The following ADAMTS17 variants were observed in gnomAD, a reference collection of about 807,000 sequenced individuals.
The protein encoded by ADAMTS17 is ADAM metallopeptidase with thrombospondin type 1 motif 17.
Under a neutral mutation model 141.5 loss-of-function variants are expected in ADAMTS17, and 113 were observed. The observed-to-expected ratio is 0.80, with a 90% CI of 0.69 to 0.93. The LOEUF (loss-of-function observed/expected upper bound fraction) is 0.93. Ranked by LOEUF, ADAMTS17 falls within the 40% of genes least tolerant of loss-of-function variation. The pLI is 0.00. For missense variants in ADAMTS17, 1,659 were observed against 1,517.9 expected, an observed-to-expected ratio of 1.09 and a Z score of -1.54; for synonymous variants, 768 against 630.6, an observed-to-expected ratio of 1.22 and a Z score of -3.27.
chr15:100,204,561 G>A (rs528762095), intron 7 of ADAMTS17, among the ~76,000 whole-genome samples: 2 of 152,302 alleles, frequency 1.3e-5, no homozygotes, highest in East Asian at 3.9e-4. Flanking sequence ...GCTAGGATGT[G>A]ACAAAGGAAA....
chr15:100,059,517 C>T (rs116747215), intron 15 of ADAMTS17, among the ~76,000 whole-genome samples: 1 of 152,202 alleles, frequency 6.6e-6, no homozygotes, highest in Non-Finnish European at 1.5e-5. Context: ...TTGCAATTTG[C>T]CGTGGTCCAT....
At chr15:100,170,361 C>T (rs919067000) in intron 8 of ADAMTS17, among the ~76,000 whole-genome samples, 1 of 152,186 alleles carries the variant, frequency 6.6e-6, no homozygotes, top group Non-Finnish European at 1.5e-5. Flanking sequence ...TATGTGGAAA[C>T]TGAAGTCCAG....
chr15:100,053,000 G>A (rs567945496), intron 16 of ADAMTS17, among the ~76,000 whole-genome samples: 7 of 152,358 alleles, frequency 4.6e-5, no homozygotes, highest in African/African-American at 1.7e-4. Context: ...TCTTTTGGGT[G>A]TCAACTAACC....
rs2040263547 is a variant in ADAMTS17, at chr15:100,174,366, G to T, written c.1182-19046C>A. Among the ~76,000 whole-genome samples, 2 of 151,392 alleles carry T rather than the reference G, an allele frequency of 1.3e-5. 1 individual carries two copies. Among genetic ancestry groups the T allele is most frequent in the African/African-American group, 4.9e-5 (2 of 40,696 alleles). ...GACAGGGAATATTCTAAGGAACAAA[G>T]TTCAGGAACTGTAATCACACTGCTG... On this transcript the variant is annotated intron_variant, in intron 8 of 21. Transcript: ENST00000268070.
At chr15:100,328,648 C>A (rs2045961966) in intron 3 of ADAMTS17, among the ~76,000 whole-genome samples, 2 of 152,064 alleles carry the variant, frequency 1.3e-5, no homozygotes, top group African/African-American at 2.4e-5. Flanking sequence ...ATTTTATTTC[C>A]TCATTAAAGG....
intron 9 of ADAMTS17, among the ~76,000 whole-genome samples, chr15:100,152,967 C>CTTA (rs61165398): frequency 6.6e-6 from 1 of 151,232 alleles, no homozygotes; most frequent in Non-Finnish European, 1.5e-5. Context: ...TGTGAATCTT[C>CTTA]GCTCTGAAGG....
At chr15:100,307,860 C>T (rs1216244697) in intron 3 of ADAMTS17, among the ~76,000 whole-genome samples, 3 of 152,258 alleles carry the variant, frequency 2.0e-5, no homozygotes, top group Admixed American at 2.0e-4. Context: ...ACCTGGACGA[C>T]AGTCTTGCTC....
At chr15:100,046,853 A>G (rs2031729390) in intron 18 of ADAMTS17, among the ~76,000 whole-genome samples, 1 of 152,202 alleles carries the variant, frequency 6.6e-6, no homozygotes, top group Non-Finnish European at 1.5e-5. Context: ...TGTGTGTTTG[A>G]ACAATATGAA....
At chr15:100,120,683 T>A (rs2037406811) in intron 12 of ADAMTS17, among the ~76,000 whole-genome samples, 1 of 152,242 alleles carries the variant, frequency 6.6e-6, no homozygotes, top group Non-Finnish European at 1.5e-5. Flanking sequence ...CACTTCAGGT[T>A]AATTCCTGAT....
chr15:100,242,536 T>C (rs1383209135), intron 7 of ADAMTS17, among the ~76,000 whole-genome samples: 1 of 152,140 alleles, frequency 6.6e-6, no homozygotes, highest in Admixed American at 6.5e-5. Context: ...CTTCTTAACA[T>C]GCCCCCTCCT....
At chr15:100,031,933 G>A (rs933093623) in intron 18 of ADAMTS17, among the ~76,000 whole-genome samples, 4 of 152,184 alleles carry the variant, frequency 2.6e-5, no homozygotes, top group African/African-American at 4.8e-5. Context: ...TTACGGGGAA[G>A]AGGAACAAGA....
intron 10 of ADAMTS17, among the ~76,000 whole-genome samples, chr15:100,150,613 G>GCTTC (rs1402617862): frequency 1.3e-5 from 2 of 152,148 alleles, no homozygotes; most frequent in African/African-American, 4.8e-5. Flanking sequence ...GGATGCAAGT[G>GCTTC]CTTGGCTCCT....
intron 12 of ADAMTS17, 40 bp from the exon 13 acceptor site, chr15:100,117,053 G>A (rs1370671834): frequency 7.7e-6 from 12 of 1,563,504 alleles, no homozygotes; most frequent in East Asian, 2.4e-5. Flanking sequence ...CAGGTGGTGC[G>A]ACCAAAGGGC....
chr15:100,193,920 C>T (rs1567330405), intron 8 of ADAMTS17, among the ~76,000 whole-genome samples: 1 of 152,196 alleles, frequency 6.6e-6, no homozygotes, highest in Admixed American at 6.5e-5. Flanking sequence ...ACGTGCGTGG[C>T]GCTGGTGCCA....
chr15:100,038,955 C>T (rs1020724811), intron 18 of ADAMTS17, among the ~76,000 whole-genome samples: 1 of 152,226 alleles, frequency 6.6e-6, no homozygotes, highest in Non-Finnish European at 1.5e-5. Flanking sequence ...GGGTTCTTGG[C>T]AGATGCTCTT....
At chr15:100,205,401 AGTG>A (rs2041499734) in intron 7 of ADAMTS17, among the ~76,000 whole-genome samples, 1 of 152,170 alleles carries the variant, frequency 6.6e-6, no homozygotes, top group Non-Finnish European at 1.5e-5. Flanking sequence ...GAAACGAATA[AGTG>A]GTGATGTTCA....
chr15:100,117,805 T>C (rs189110365), intron 12 of ADAMTS17, among the ~76,000 whole-genome samples: 1 of 152,212 alleles, frequency 6.6e-6, no homozygotes, highest in Non-Finnish European at 1.5e-5. Context: ...GTCATCATGA[T>C]GGAATAAGAT....
chr15:100,310,998 G>A lies in ADAMTS17; in HGVS notation c.616+19891C>T, dbSNP rs546310804. Among the ~76,000 whole-genome samples the A allele has an allele frequency of 5.1e-4, 77 of 152,324 alleles. 1 individual carries two copies. Among genetic ancestry groups the A allele is most frequent in the Middle Eastern group, 3.4e-3 (1 of 294 alleles). On this transcript the variant is annotated intron_variant, in intron 3 of 21. Coordinates refer to ENST00000268070, the MANE Select transcript of ADAMTS17 (RefSeq NM_139057.4). ...AACAAAACTGGGCAGCAGCTGTCCC[G>A]GTGAGACTTTCTGCTAGGCTTTTCC...
intron 18 of ADAMTS17, among the ~76,000 whole-genome samples, chr15:100,014,963 G>A (rs953017612): frequency 1.3e-5 from 2 of 152,158 alleles, no homozygotes; most frequent in Non-Finnish European, 2.9e-5. Flanking sequence ...GTGGAGTACT[G>A]AAGTCCCCCA....
Sources: gnomAD v4.1 joint callset for allele counts (sites outside exome capture counted in the v4.1 genomes callset) on GRCh38, gnomAD v4.1.1 for gene constraint, MANE v1.5 for transcripts, NCBI Gene and HGNC (gene_info 2026-07-23, HGNC 2026-07-21) for gene names.